The following CACTIN variants were observed in gnomAD, a reference collection of about 807,000 sequenced individuals.
CACTIN encodes cactin, spliceosome C complex subunit, also known as splicing factor Cactin.
In CACTIN, 20 loss-of-function variants were observed where a neutral mutation model predicts 84.9. That is an observed-to-expected ratio of 0.24 (90% CI 0.17 to 0.34). CACTIN has a LOEUF of 0.34. Among genes scored for constraint, CACTIN ranks in the 10% least tolerant of loss-of-function variants. CACTIN has a pLI of 1.00. For synonymous variants in CACTIN, 549 were observed against 467.9 expected (o/e 1.17, Z -2.24); for missense variants, 897 against 1,117.2 (o/e 0.80, Z 2.81).
intron 6 of CACTIN, chr19:3,614,881 C>T (rs2033070460): frequency 2.0e-6 from 1 of 490,158 alleles, no homozygotes; most frequent in East Asian, 3.8e-5. Flanking sequence ...CTGAGAATGC[C>T]CCTCCCCAGG....
At chr19:3,618,424 A>G (rs1484426023) in intron 6 of CACTIN, among the ~76,000 whole-genome samples, 7 of 150,120 alleles carry the variant, frequency 4.7e-5, no homozygotes, top group African/African-American at 1.5e-4. Flanking sequence ...AACCACACGG[A>G]GGGGGGGGAA....
At chr19:3,620,331 G>T in intron 3 of CACTIN, 59 bp from the exon 4 acceptor site, 1 of 1,516,136 alleles carries the variant, frequency 6.6e-7, no homozygotes, top group South Asian at 1.2e-5. Context: ...GCTGCGGGGG[G>T]AGGGGCTGTG....
chr19:3,612,464 G>GC (rs1259878214), intron 9 of CACTIN, 51 bp from the exon 10 acceptor site: 46 of 1,527,436 alleles, frequency 3.0e-5, no homozygotes, highest in South Asian at 2.0e-4. Flanking sequence ...CTGGGTCCTG[G>GC]CCTCCCTCCT....
Position 3,620,213 on chromosome 19 carries a change from C to T in CACTIN, c.798G>A (p.Glu266=), listed in dbSNP as rs576706346. Residue 266 remains glutamate (E), a synonymous_variant, in exon 4 of 10, where the codon GAG becomes GAA. Coordinates refer to ENST00000429344, the MANE Select transcript of CACTIN (RefSeq NM_001080543.2). The part of the protein sequence containing the change: ...REKAMREQEL[E]MLQREKEAEH... ...CTGCCTCCTTCTCGCGCTGCAGCAT[C>T]TCCAGCTCCTGCTCGCGCATGGCCT... 1.9e-5 allele frequency: 30 copies of T among 1,607,098 alleles called. No individual in the cohort carries two copies. The African/African-American group carries it at 3.3e-4, about 18-fold the overall frequency.
At chr19:3,619,698 G>A (rs1307600573) in intron 4 of CACTIN, among the ~76,000 whole-genome samples, 1 of 152,146 alleles carries the variant, frequency 6.6e-6, no homozygotes, top group Non-Finnish European at 1.5e-5. Context: ...CGCGTTGCAG[G>A]CGGGCCCTGG....
chr19:3,619,042 G>A (rs1459414012), intron 5 of CACTIN, 38 bp downstream of exon 5: 3 of 1,549,688 alleles, frequency 1.9e-6, no homozygotes, highest in Non-Finnish European at 2.6e-6. Context: ...GTGGGGGTGA[G>A]GGTGCAGGTC....
In CACTIN at chr19:3,620,080, C is replaced by T. The variant is rs749675741; in HGVS notation, c.884+47G>A. 64 of 1,600,162 alleles carry T rather than the reference C, an allele frequency of 4.0e-5. 2 individuals carry two copies. In the South Asian group the frequency reaches 7.1e-4, roughly 18 times the overall value. ...TTCCAGAGTGACAGCCAGTGCCCGG[C>T]CCTGGCTCCAAGTCTGGGTCGGAGG... is the stretch of plus-strand genomic sequence containing the variant. On this transcript the variant is annotated intron_variant, in intron 4 of 9. Coordinates refer to ENST00000429344, the MANE Select transcript of CACTIN (RefSeq NM_001080543.2).
intron 5 of CACTIN, 36 bp from the exon 6 acceptor site, chr19:3,619,025 G>A: frequency 6.5e-7 from 1 of 1,549,914 alleles, no homozygotes; most frequent in Middle Eastern, 1.7e-4. Context: ...ACACGGGTGT[G>A]GCTGGGGTGG....
Position 3,614,429 on chromosome 19 carries a change from C to G in CACTIN, c.1323G>C (p.Leu441=). The G allele has an allele frequency of 1.3e-6, 2 of 1,590,942 alleles. No individual in the cohort carries two copies. Among genetic ancestry groups the G allele is most frequent in the Non-Finnish European group, 1.7e-6 (2 of 1,168,854 alleles). ...GTGCCATGTGGGCACGAAGCTGCTGCAGGAGGCTCTCCCAGTAGCCCATGT... is the reference window on the plus strand; with the variant it reads ...GTGCCATGTGGGCACGAAGCTGCTGGAGGAGGCTCTCCCAGTAGCCCATGT... The part of the protein sequence containing the change: ...NLDMGYWESL[L]QQLRAHMARA... Residue 441 remains leucine, a synonymous_variant, in exon 7 of 10, where the codon CTG becomes CTC. Coordinates refer to ENST00000429344, the MANE Select transcript of CACTIN (RefSeq NM_001080543.2).
chr19:3,619,766 C>A (rs2033184050), intron 4 of CACTIN, among the ~76,000 whole-genome samples: 2 of 152,106 alleles, frequency 1.3e-5, no homozygotes, highest in Admixed American at 1.3e-4. Context: ...CCTGATGTCA[C>A]CCGCCACGGG....
At position 3,611,863 on chromosome 19, in the gene CACTIN, C is replaced by T. The variant is rs541550233; in HGVS notation, c.*60G>A. The T allele has an allele frequency of 1.4e-4, 229 of 1,584,692 alleles. 3 individuals are homozygous for T. In the South Asian group the frequency reaches 2.5e-3, roughly 17 times the overall value. ...ACAGCGGCCCCGGAGTGACCACCAG[C>T]TTCACCGAAGCCCCTTTACTGTGCC... On this transcript the variant is annotated 3_prime_UTR_variant, in exon 10 of 10. Transcript: ENST00000429344.
At position 3,611,443 on chromosome 19, in the gene CACTIN, C is replaced by T; in HGVS notation, c.*480G>A. 3 of 405,512 alleles carry T rather than the reference C, an allele frequency of 7.4e-6. No individual in the cohort carries two copies. The highest frequency in any genetic ancestry group is 7.6e-5 in the East Asian group (1 of 13,172). 25.1% of individuals were successfully genotyped at this position (405,512 alleles called of 1,614,324 possible). On this transcript the variant is annotated 3_prime_UTR_variant, in exon 10 of 10. Transcript: ENST00000429344. The stretch of plus-strand genomic sequence containing the variant: ...GGCTCTGCCTCACGCCCAGTGGGTG[C>T]CCCGTGATGTGGCAGGGCTGGCCTT...
In CACTIN at chr19:3,611,765, G is replaced by C. The variant is rs996649454; in HGVS notation, c.*158C>G. The C allele has an allele frequency of 3.1e-5, 29 of 942,548 alleles. No homozygotes were observed. The highest frequency in any genetic ancestry group is 8.1e-5 in the African/African-American group (5 of 61,844). 58.4% of individuals were successfully genotyped at this position (942,548 alleles called of 1,614,324 possible). ...TCAATGGTGACCCCCCTTTTATATA[G>C]GAGGAAACTGAGGCCTGGCGAAAGA... On this transcript the variant is annotated 3_prime_UTR_variant, in exon 10 of 10. Transcript: ENST00000429344.
At chr19:3,618,213 C>CCGG (rs1335415681) in intron 6 of CACTIN, among the ~76,000 whole-genome samples, 1 of 149,398 alleles carries the variant, frequency 6.7e-6, no homozygotes, top group African/African-American at 2.5e-5. Flanking sequence ...GCAATTCTGC[C>CCGG]CCCAGGGGAC....
In CACTIN at chr19:3,615,214, A is replaced by G. The variant is rs1177470913; in HGVS notation, c.1163-625T>C. On this transcript the variant is annotated intron_variant, in intron 6 of 9. Coordinates refer to ENST00000429344, the MANE Select transcript of CACTIN (RefSeq NM_001080543.2). The surrounding 1 kb of genome is among the most constrained non-coding windows in gnomAD (Gnocchi z 5.2). ...CCTACATGGAGTCTGTCTGGCATCT[A>G]CCACTGGCCCAGGGGCCCGAGGCTC... 1 of 157,696 alleles carries G rather than the reference A, an allele frequency of 6.3e-6. No individual in the cohort carries two copies. Among genetic ancestry groups the G allele is most frequent in the Non-Finnish European group, 1.4e-5 (1 of 71,256 alleles). 9.8% of individuals were successfully genotyped at this position (157,696 alleles called of 1,614,324 possible).
At chr19:3,625,258 C>T (rs143365980) in intron 1 of CACTIN, among the ~76,000 whole-genome samples, 247 of 152,272 alleles carry the variant, frequency 1.6e-3, no homozygotes, top group Middle Eastern at 6.8e-3. Context: ...CCATTAAGCT[C>T]ATGTCAAAAA....
Position 3,612,684 on chromosome 19 carries a change from G to A in CACTIN, c.1787-271C>T, listed in dbSNP as rs989982313. Reference sequence around the variant, plus strand: ...TCCCCGCCGAGCGACAGGAGAACCTGGTGGTTAGGGCCTGGCTGCGGGATC... The same window carrying A: ...TCCCCGCCGAGCGACAGGAGAACCTAGTGGTTAGGGCCTGGCTGCGGGATC... On this transcript the variant is annotated intron_variant, in intron 9 of 9. Transcript: ENST00000429344. 4 of 706,130 alleles carry A rather than the reference G, an allele frequency of 5.7e-6. No individual in the cohort carries two copies. The African/African-American group carries it at 7.0e-5, about 12-fold the overall frequency. The allele number at this position is 706,130 out of a possible 1,614,324, so 43.7% of individuals were successfully genotyped here.
intron 2 of CACTIN, among the ~76,000 whole-genome samples, chr19:3,622,767 T>C (rs1011471153): frequency 1.1e-4 from 16 of 152,336 alleles, no homozygotes; most frequent in African/African-American, 3.8e-4. Flanking sequence ...GGTGGCTAAA[T>C]GGCAGGCGCA....
At chr19:3,623,202 T>C (rs1317317930) in intron 2 of CACTIN, among the ~76,000 whole-genome samples, 2 of 152,004 alleles carry the variant, frequency 1.3e-5, no homozygotes, top group Admixed American at 6.6e-5. Context: ...GCCACTGCAC[T>C]CCAGCCTGGG....
Sources: allele counts gnomAD v4.1 joint callset (sites outside exome capture counted in the v4.1 genomes callset), GRCh38; gene constraint gnomAD v4.1.1; non-coding constraint Gnocchi (gnomAD v3.1); transcripts MANE v1.5; gene names NCBI Gene and HGNC (gene_info 2026-07-23, HGNC 2026-07-21).